PLEKHH3: variants seen among roughly 807,000 people sequenced by gnomAD.
PLEKHH3 encodes pleckstrin homology, MyTH4 and FERM domain containing H3.
A neutral mutation model predicts 77.8 loss-of-function variants in PLEKHH3; 57 were observed. That is an observed-to-expected ratio of 0.73 (90% CI 0.59 to 0.91). The LOEUF is 0.91. Among genes scored for constraint, PLEKHH3 ranks in the 40% least tolerant of loss-of-function variants. The probability of loss-of-function intolerance (pLI) is 0.00; values close to 1 mark genes in which losing one functional copy is unlikely to be tolerated. For missense variants in PLEKHH3, 1,082 were observed against 1,091.2 expected (o/e 0.99, Z 0.12); for synonymous variants, 467 against 504.8 (o/e 0.93, Z 1.00).
At position 42,668,051 on chromosome 17, in the gene PLEKHH3, C is replaced by A; in HGVS notation, c.*76G>T. ...CCTGTCCCTGCAGGGCCAAAAGGGT[C>A]CATGTTTCCCTCAAATCTCAGAGCA... is the stretch of plus-strand genomic sequence containing the variant. On this transcript the variant is annotated 3_prime_UTR_variant, in exon 13 of 13. Transcript: ENST00000591022. 8.0e-7 allele frequency: 1 copy of A among 1,245,330 alleles called. No homozygotes were observed. Among genetic ancestry groups the A allele is most frequent in the South Asian group, 2.8e-5 (1 of 35,090 alleles). 77.1% of individuals were successfully genotyped at this position (1,245,330 alleles called of 1,614,324 possible). A position where few individuals can be genotyped will look rare whatever the true frequency, so the allele number is the denominator to read the frequency against.
intron 6 of PLEKHH3, 44 bp downstream of exon 6, chr17:42,673,132 C>T (rs2052737942): frequency 6.8e-7 from 1 of 1,478,328 alleles, no homozygotes; most frequent in African/African-American, 1.4e-5. Flanking sequence ...TACCTCTGAA[C>T]CACCCCATCC....
chr17:42,671,198 T>G lies in PLEKHH3; in HGVS notation c.1285-68A>C. ...AGGATTCTGGGAGGGGTTGATTCAA[T>G]TGGAAGGGGTCTCTTAGTCCTGTCA... On this transcript the variant is annotated intron_variant, in intron 8 of 12. Transcript: ENST00000591022. This position sits in a 1 kb window ranked among gnomAD's most constrained non-coding sequence, Gnocchi z 4.7. 1 of 1,527,590 alleles carries G rather than the reference T, an allele frequency of 6.5e-7. No homozygotes were observed. The highest frequency in any genetic ancestry group is 2.3e-5 in the East Asian group (1 of 43,952). The allele number at this position is 1,527,590 out of a possible 1,614,324, so 94.6% of individuals were successfully genotyped here.
Position 42,672,311 on chromosome 17 carries a change from C to G in PLEKHH3, c.851G>C (p.Gly284Ala). 1 of 1,548,878 alleles carries G rather than the reference C, an allele frequency of 6.5e-7. No individual in the cohort carries two copies. The highest frequency in any genetic ancestry group is 1.8e-4 in the Middle Eastern group (1 of 5,604). ...TTGGAGCACACCCTGCATCAAGGGC[C>G]CGGGGCGCCGCGCCCCCTCCAGCGC... ...LQALEGARRP[G>A]PLMQGVLQTC... The change falls in exon 7 of 13, where the codon GGG becomes GCG. Residue 284 changes from glycine (G) to alanine (A), a missense_variant. This residue lies in a region of PLEKHH3 where 733 missense variants were observed against 750.0 expected (regional missense o/e 0.98). Coordinates refer to ENST00000591022, the MANE Select transcript of PLEKHH3 (RefSeq NM_024927.5).
In PLEKHH3 at chr17:42,670,149, C is replaced by T. The variant is rs1056280020; in HGVS notation, c.1782G>A (p.Pro594=). The change falls in exon 11 of 13, where the codon CCG becomes CCA. Residue 594 remains proline, a synonymous_variant. Coordinates refer to ENST00000591022, the MANE Select transcript of PLEKHH3 (RefSeq NM_024927.5). ...GCTCCGCCCGCCTCTTGGCCAGGCC[C>T]GGGCTCCAGAGCGCCCCGGCCAGCA... is the stretch of plus-strand genomic sequence containing the variant. ...AALLAGALWS[P]GLAKRRAERA... 3 of 1,229,982 alleles carry T rather than the reference C, an allele frequency of 2.4e-6. No individual in the cohort carries two copies. The highest frequency in any genetic ancestry group is 1.6e-5 in the African/African-American group (1 of 62,524). 76.2% of individuals were successfully genotyped at this position (1,229,982 alleles called of 1,614,324 possible). A position where few individuals can be genotyped will look rare whatever the true frequency, so the allele number is the denominator to read the frequency against.
Position 42,676,891 on chromosome 17 carries a change from C to T in PLEKHH3, c.-328G>A. ...GGGGGGCAGTGTCCGGTGCAGCGTC[C>T]GAGGTGGGCAGTTGTCCAAGCTCCA... is the stretch of plus-strand genomic sequence containing the variant. On this transcript the variant is annotated 5_prime_UTR_variant, in exon 1 of 13. Coordinates refer to ENST00000591022, the MANE Select transcript of PLEKHH3 (RefSeq NM_024927.5). The surrounding 1 kb of genome is among the most constrained non-coding windows in gnomAD (Gnocchi z 6.6). 3.2e-6 allele frequency: 1 copy of T among 316,798 alleles called. No homozygotes were observed. The highest frequency in any genetic ancestry group is 5.9e-6 in the Non-Finnish European group (1 of 169,684). The allele number at this position is 316,798 out of a possible 1,614,324, so 19.6% of individuals were successfully genotyped here. A position where few individuals can be genotyped will look rare whatever the true frequency, so the allele number is the denominator to read the frequency against.
chr17:42,670,642 A>C lies in PLEKHH3; in HGVS notation c.1485T>G (p.Arg495=), dbSNP rs1390381812. Residue 495 remains arginine, a synonymous_variant, in exon 10 of 13, where the codon CGT becomes CGG. Transcript: ENST00000591022. ...SPDSGWRLCL[R]LHGPLHPEGL... is the part of the protein sequence containing the mutation. ...CCTCAGGGTGCAGAGGTCCGTGAAG[A>C]CGCAGACATAGTCTCCACCCGGAGT... 2 of 1,613,084 alleles carry C rather than the reference A, an allele frequency of 1.2e-6. No homozygotes were observed. The highest frequency in any genetic ancestry group is 2.7e-5 in the African/African-American group (2 of 74,944).
chr17:42,672,004 A>T, intron 7 of PLEKHH3, 82 bp downstream of exon 7: 1 of 1,171,864 alleles, frequency 8.5e-7, no homozygotes. Context: ...TTACCTACCA[A>T]GTCTTTTGCA....
chr17:42,670,680 C>G lies in PLEKHH3; in HGVS notation c.1447G>C (p.Glu483Gln), dbSNP rs975447610. 1.4e-5 allele frequency: 23 copies of G among 1,612,778 alleles called. No homozygotes were observed. Among genetic ancestry groups the G allele is most frequent in the Non-Finnish European group, 1.9e-5 (22 of 1,179,700 alleles). The change falls in exon 10 of 13, where the codon GAG becomes CAG. Residue 483 changes from glutamate to glutamine, a missense_variant. Coordinates refer to ENST00000591022, the MANE Select transcript of PLEKHH3 (RefSeq NM_024927.5). ...CTCCACCCGGAGTCGGGCGAGTCCT[C>G]CAACCCAGCTTCCTCCGCGGCCAAG... Reference protein sequence around the residue: ...ENLAAEEAGLEDSPDSGWRLC... With the variant: ...ENLAAEEAGLQDSPDSGWRLC...
At position 42,671,535 on chromosome 17, in the gene PLEKHH3, G is replaced by C. The variant is rs1159062419; in HGVS notation, c.1100C>G (p.Ser367Trp). The C allele has an allele frequency of 6.2e-7, 1 of 1,611,542 alleles. No homozygotes were observed. The highest frequency in any genetic ancestry group is 2.2e-5 in the East Asian group (1 of 44,846). The change falls in exon 8 of 13, where the codon TCG becomes TGG. Residue 367 changes from serine (S) to tryptophan (W), a missense_variant. Physicochemically the swap from Ser to Trp is radical, Grantham distance 177. This residue lies in a region of PLEKHH3 where 733 missense variants were observed against 750.0 expected (regional missense o/e 0.98). Coordinates refer to ENST00000591022, the MANE Select transcript of PLEKHH3 (RefSeq NM_024927.5). The surrounding 1 kb of genome is among the most constrained non-coding windows in gnomAD (Gnocchi z 4.7). ...LERTEQALPDSELAEYARFIR... is the reference protein window; with the variant it reads ...LERTEQALPDWELAEYARFIR... ...GAAGCGCGCATATTCCGCCAGTTCC[G>C]AGTCCGGGAGTGCCTGCTCGGTCCT...
In PLEKHH3 at chr17:42,673,530, G is replaced by A; in HGVS notation, c.517C>T (p.Arg173Trp). Residue 173 changes from arginine to tryptophan, a missense_variant, in exon 5 of 13, where the codon CGG (arginine) becomes TGG (tryptophan). This residue lies in a region of PLEKHH3 where 344 missense variants were observed against 320.8 expected (regional missense o/e 1.07). Transcript: ENST00000591022. ...GAGCAGAGGCGGACACTGTGTTTCC[G>A]ACCAGACACAGTCACTGACCACAGA... Reference protein sequence around the residue: ...TGLWSVTVSGRKHSVRLCSPR... With the variant: ...TGLWSVTVSGWKHSVRLCSPR... 3.1e-6 allele frequency: 5 copies of A among 1,598,104 alleles called. No homozygotes were observed. Among genetic ancestry groups the A allele is most frequent in the Non-Finnish European group, 4.3e-6 (5 of 1,173,708 alleles).
At position 42,675,857 on chromosome 17, in the gene PLEKHH3, C is replaced by T. The variant is rs140596052; in HGVS notation, c.162+545G>A. On this transcript the variant is annotated intron_variant, in intron 1 of 12. Transcript: ENST00000591022. ...ACCCGGGAAAGCCGAGAGTTCTGTC[C>T]TGAGTGGCAGGGTAATGAGGAGGGG... 6.3e-5 allele frequency: 63 copies of T among 996,138 alleles called. 1 individual carries two copies. The African/African-American group carries it at 1.0e-3, about 16-fold the overall frequency. The allele number at this position is 996,138 out of a possible 1,614,324, so 61.7% of individuals were successfully genotyped here.
In PLEKHH3 at chr17:42,669,466, C is replaced by A; in HGVS notation, c.2169G>T (p.Arg723Ser). ...GCAGGAGGAGCTGGCTCTCTCCCACCCTCAAGGCCAGGGTGTGGGGGCCCA... is the reference window on the plus strand; with the variant it reads ...GCAGGAGGAGCTGGCTCTCTCCCACACTCAAGGCCAGGGTGTGGGGGCCCA... ...QLMGPHTLAL[R>S]VGESQLLLQS... Residue 723 changes from arginine (R) to serine (S), a missense_variant, in exon 12 of 13, where the codon AGG (arginine) becomes AGT (serine). Physicochemically the swap from Arg to Ser is moderately radical, Grantham distance 110. Around this residue, in one of 3 missense-constraint regions of PLEKHH3, gnomAD observed 733 missense variants for 750.0 expected, o/e 0.98. Transcript: ENST00000591022. 1.9e-6 allele frequency: 3 copies of A among 1,578,610 alleles called. No homozygotes were observed. Among genetic ancestry groups the A allele is most frequent in the Non-Finnish European group, 2.6e-6 (3 of 1,157,106 alleles).
Position 42,674,358 on chromosome 17 carries a change from T to A in PLEKHH3, c.214A>T (p.Asn72Tyr). The change falls in exon 2 of 13, where the codon AAC becomes TAC. Residue 72 changes from asparagine (N) to tyrosine (Y), a missense_variant. Physicochemically the swap from Asn to Tyr is moderately radical, Grantham distance 143. This residue lies in a region of PLEKHH3 where 344 missense variants were observed against 320.8 expected (regional missense o/e 1.07). Transcript: ENST00000591022. The part of the protein sequence containing the change: ...TQPVRSGPVS[N>Y]RLQSWEETWS... ...GGACGTAGGGGCGTAGCTCACCTGT[T>A]GGAGACAGGCCCGCTCCTCACTGGC... The A allele has an allele frequency of 6.3e-7, 1 of 1,583,620 alleles. No homozygotes were observed. Among genetic ancestry groups the A allele is most frequent in the African/African-American group, 1.4e-5 (1 of 73,786 alleles).
At position 42,669,922 on chromosome 17, in the gene PLEKHH3, C is replaced by T. The variant is rs745320415; in HGVS notation, c.2009G>A (p.Ser670Asn). The change falls in exon 11 of 13, where the codon AGC becomes AAC. Residue 670 changes from serine (S) to asparagine (N), a missense_variant. Physicochemically the swap from Ser to Asn is conservative, Grantham distance 46 (BLOSUM62 1). Around this residue, in one of 3 missense-constraint regions of PLEKHH3, gnomAD observed 733 missense variants for 750.0 expected, o/e 0.98. Coordinates refer to ENST00000591022, the MANE Select transcript of PLEKHH3 (RefSeq NM_024927.5). ...CTTCTCCCTTCTCCCCCTCACCGTG[C>T]TCAGCTCCAGAACGTCATACCGAGC... ...GAARYDVLEL[S>N]TEPGRGAPQK... 3 of 1,613,678 alleles carry T rather than the reference C, an allele frequency of 1.9e-6. No individual in the cohort carries two copies. In the Admixed American group the frequency reaches 5.0e-5, roughly 27 times the overall value.
chr17:42,672,921 G>A (rs755619954), intron 6 of PLEKHH3, among the ~76,000 whole-genome samples: 1 of 152,178 alleles, frequency 6.6e-6, no homozygotes, highest in African/African-American at 2.4e-5. Flanking sequence ...AAATAGGGGA[G>A]TGTACAAACT....
chr17:42,673,063 G>A, intron 6 of PLEKHH3, 113 bp downstream of exon 6: 1 of 1,343,608 alleles, frequency 7.4e-7, no homozygotes, highest in Non-Finnish European at 9.7e-7. Flanking sequence ...CGAAAAGTGA[G>A]GAGCTGGCAG....
chr17:42,676,559 G>T lies in PLEKHH3; in HGVS notation c.5C>A (p.Pro2His). The T allele has an allele frequency of 6.4e-7, 1 of 1,554,864 alleles. No homozygotes were observed. Residue 2 changes from proline to histidine, a missense_variant, in exon 1 of 13, where the codon CCT becomes CAT. By Grantham distance (77) the Pro-to-His change is moderately conservative. Transcript: ENST00000591022. The surrounding 1 kb of genome is among the most constrained non-coding windows in gnomAD (Gnocchi z 6.6). ...AAGCCACCATAGTCCCCCGGGGAGA[G>T]GCATCCGGGCGAGGAGCTGCGGATG... M[P>H]LPGGLWWLLC...
rs755821803 is a variant in PLEKHH3 at position 42,670,321 on chromosome 17, G to A, written c.1610C>T (p.Ala537Val). Residue 537 changes from alanine to valine, a missense_variant, in exon 11 of 13, where the codon GCC (alanine) becomes GTC (valine). Coordinates refer to ENST00000591022, the MANE Select transcript of PLEKHH3 (RefSeq NM_024927.5). The stretch of plus-strand genomic sequence containing the variant: ...GCTCTGCAGGCGCAGCGCCGCCAGG[G>A]CGCGCAGCGTGTCGTCGGGTGGGGG... ...RPPPPDDTLR[A>V]LAALRLQSLQ... 41 of 1,397,400 alleles carry A rather than the reference G, an allele frequency of 2.9e-5. No individual in the cohort carries two copies. Among genetic ancestry groups the A allele is most frequent in the Admixed American group, 9.7e-5 (3 of 30,846 alleles). 86.6% of individuals were successfully genotyped at this position (1,397,400 alleles called of 1,614,324 possible).
rs1470403610 is a variant in PLEKHH3 at position 42,673,854 on chromosome 17, G to C, written c.299-20C>G. On this transcript the variant is annotated intron_variant, in intron 3 of 12. Transcript: ENST00000591022. ...GCCAACCTGGGGGCCGGAGAGGGAG[G>C]GAAGGGACATCAGTAGAGACATTAA... 1 of 1,605,100 alleles carries C rather than the reference G, an allele frequency of 6.2e-7. No individual in the cohort carries two copies. The highest frequency in any genetic ancestry group is 8.5e-7 in the Non-Finnish European group (1 of 1,177,928).
Sources: gnomAD v4.1 joint callset for allele counts (sites outside exome capture counted in the v4.1 genomes callset) on GRCh38, gnomAD v4.1.1 for gene constraint, gnomAD v4.1.1 regional missense constraint, Gnocchi (gnomAD v3.1) non-coding constraint, MANE v1.5 for transcripts, NCBI Gene and HGNC (gene_info 2026-07-23, HGNC 2026-07-21) for gene names.